The following CPNE2 variants were observed in gnomAD, a reference collection of about 807,000 sequenced individuals.
CPNE2 encodes copine 2.
A neutral mutation model predicts 69.7 loss-of-function variants in CPNE2; 42 were observed. That is an observed-to-expected ratio of 0.60 (90% CI 0.47 to 0.78). The LOEUF is 0.78. Ranked by LOEUF, CPNE2 falls within the 30% of genes least tolerant of loss-of-function variation. CPNE2 has a pLI of 0.00. For missense variants in CPNE2, 587 were observed against 732.0 expected, an observed-to-expected ratio of 0.80 and a Z score of 2.29; for synonymous variants, 294 against 289.8, an observed-to-expected ratio of 1.01 and a Z score of -0.15.
chr16:57,120,937 A>G (rs547618171), intron 7 of CPNE2, among the ~76,000 whole-genome samples, 156 bp from the exon 8 acceptor site: 5 of 152,244 alleles, frequency 3.3e-5, no homozygotes, highest in Admixed American at 3.3e-4. Flanking sequence ...GTCTTCCTGC[A>G]GGAGGCAGTT....
rs1470403434 is a variant in CPNE2, at chr16:57,120,948, C to T, written c.682-145C>T. 5.2e-6 allele frequency: 3 copies of T among 576,924 alleles called. No homozygotes were observed. The African/African-American group carries it at 5.7e-5, about 11-fold the overall frequency. 35.7% of individuals were successfully genotyped at this position (576,924 alleles called of 1,614,324 possible). ...AGAAGTCTTCCTGCAGGAGGCAGTT[C>T]AGGAGCTATCCAGGCCAGCTAGGCA... On this transcript the variant is annotated intron_variant, in intron 7 of 15. Coordinates refer to ENST00000290776, the MANE Select transcript of CPNE2 (RefSeq NM_152727.6).
intron 10 of CPNE2, chr16:57,124,337 C>A (rs562882742): frequency 2.9e-5 from 13 of 452,866 alleles, no homozygotes; most frequent in Non-Finnish European, 4.5e-5. Context: ...CCACCTTGGC[C>A]TCTCAAAGTG....
intron 2 of CPNE2, 93 bp from the exon 3 acceptor site, chr16:57,113,195 A>C: frequency 6.2e-6 from 7 of 1,123,502 alleles, no homozygotes; most frequent in African/African-American, 1.5e-5. Context: ...CAGAGTAGGC[A>C]TTGTACAAGT....
chr16:57,115,586 A>AAGC, intron 4 of CPNE2, 36 bp downstream of exon 4: 1 of 1,389,830 alleles, frequency 7.2e-7, no homozygotes, highest in Non-Finnish European at 9.9e-7. Context: ...CACCCCCTCC[A>AAGC]TCCCCACCCC....
chr16:57,137,070 G>C, intron 13 of CPNE2, 79 bp from the exon 14 acceptor site: 4 of 1,558,662 alleles, frequency 2.6e-6, no homozygotes, highest in Non-Finnish European at 3.5e-6. Context: ...GCATGAAATA[G>C]ATGTTTCATC....
intron 14 of CPNE2, chr16:57,142,868 AAC>A (rs2069932696): frequency 6.6e-6 from 1 of 152,210 alleles, no homozygotes; most frequent in Non-Finnish European, 1.5e-5. Flanking sequence ...AATCAAATCA[AAC>A]GTTAAATGCA....
chr16:57,120,848 G>A (rs1290108214), intron 7 of CPNE2, among the ~76,000 whole-genome samples: 16 of 152,178 alleles, frequency 1.1e-4, no homozygotes, highest in African/African-American at 3.1e-4. Flanking sequence ...TGTATAAGGA[G>A]TGGAGTTGCC....
chr16:57,112,653 A>G lies in CPNE2; in HGVS notation c.181-635A>G, dbSNP rs1193733725. On this transcript the variant is annotated intron_variant, in intron 2 of 15. Coordinates refer to ENST00000290776, the MANE Select transcript of CPNE2 (RefSeq NM_152727.6). ...TGTCCCAGTGCCACCACTGACCCAC[A>G]GTACCAGGCCCTGTCCTCAGCCAGG... 3.9e-5 allele frequency among the ~76,000 whole-genome samples: 6 copies of G among 152,280 alleles called. No homozygotes were observed. The East Asian group carries it at 1.2e-3, about 29-fold the overall frequency.
At chr16:57,102,161 C>T (rs1387552944) in intron 1 of CPNE2, among the ~76,000 whole-genome samples, 8 of 152,164 alleles carry the variant, frequency 5.3e-5, no homozygotes, top group Admixed American at 5.2e-4. Flanking sequence ...CTATGTTGCC[C>T]AGCTGGGCTT....
At chr16:57,096,270 C>G (rs1399279319) in intron 1 of CPNE2, among the ~76,000 whole-genome samples, 1 of 152,232 alleles carries the variant, frequency 6.6e-6, no homozygotes, top group East Asian at 1.9e-4. Context: ...GTGAGAGAAT[C>G]TAAGCCATCC....
At position 57,132,762 on chromosome 16, in the gene CPNE2, C is replaced by T. The variant is rs2069847235; in HGVS notation, c.1117-2013C>T. Among the ~76,000 whole-genome samples, 4 of 152,244 alleles carry T rather than the reference C, an allele frequency of 2.6e-5. No individual in the cohort carries two copies. In the South Asian group the frequency reaches 8.3e-4, roughly 32 times the overall value. On this transcript the variant is annotated intron_variant, in intron 12 of 15. Coordinates refer to ENST00000290776, the MANE Select transcript of CPNE2 (RefSeq NM_152727.6). ...ACTCCTGGTAGCATGGACACTTGTC[C>T]CCAGGCCCCACTGTGTGACCTGGGC...
In CPNE2 at chr16:57,119,237, C is replaced by A. The variant is rs751580762; in HGVS notation, c.550C>A (p.Pro184Thr). 9.3e-6 allele frequency: 15 copies of A among 1,614,022 alleles called. No individual in the cohort carries two copies. Among genetic ancestry groups the A allele is most frequent in the African/African-American group, 1.3e-5 (1 of 74,912 alleles). The change falls in exon 6 of 16, where the codon CCA becomes ACA. Residue 184 changes from proline (P) to threonine (T), a missense_variant. Pro to Thr is a conservative substitution (Grantham distance 38). Transcript: ENST00000290776. ...KSDPFLEFYK[P>T]GDDGKWMLVH... ...AGACCCCTTTCTGGAGTTTTATAAG[C>A]CAGGAGACGATGGCAAGTGGATGCT... is the stretch of plus-strand genomic sequence containing the variant.
In CPNE2 at chr16:57,147,701, CT is replaced by C; in HGVS notation, c.*44del. ...CAGCATGTCAGCTGAGCCTCCTGCC[CT>C]CCCCCAGGAACATGCACGCTCACTC... On this transcript the variant is annotated 3_prime_UTR_variant, in exon 16 of 16. Transcript: ENST00000290776. The C allele has an allele frequency of 7.3e-7, 1 of 1,361,998 alleles. No homozygotes were observed. Among genetic ancestry groups the C allele is most frequent in the South Asian group, 1.4e-5 (1 of 74,002 alleles). The allele number at this position is 1,361,998 out of a possible 1,614,324, so 84.4% of individuals were successfully genotyped here.
At chr16:57,123,782 C>T (rs1243490372) in intron 10 of CPNE2, 2 of 438,260 alleles carry the variant, frequency 4.6e-6, no homozygotes, top group Non-Finnish European at 8.3e-6. Flanking sequence ...TTCAGCGATC[C>T]CTGCCTCCTT....
In CPNE2 at chr16:57,137,192, C is replaced by T. The variant is rs2069888198; in HGVS notation, c.1212C>T (p.His404=). The T allele has an allele frequency of 3.1e-6, 5 of 1,614,254 alleles. No homozygotes were observed. The highest frequency in any genetic ancestry group is 4.2e-6 in the Non-Finnish European group (5 of 1,180,044). The change falls in exon 14 of 16, where the codon CAC becomes CAT. Residue 404 remains histidine (H), a synonymous_variant. Coordinates refer to ENST00000290776, the MANE Select transcript of CPNE2 (RefSeq NM_152727.6). ...AGGCGTACTCAGCTTGCCTGCCCCA[C>T]ATCCGCTTCTACGGTCCTACCAATT... is the stretch of plus-strand genomic sequence containing the variant. The part of the protein sequence containing the change: ...IAQAYSACLP[H]IRFYGPTNFS...
chr16:57,137,435 C>T (rs111673573), intron 14 of CPNE2, among the ~76,000 whole-genome samples, 153 bp downstream of exon 14: 1 of 152,206 alleles, frequency 6.6e-6, no homozygotes. Context: ...GAGTCAAGCT[C>T]AACTTGATTG....
intron 10 of CPNE2, 158 bp from the exon 11 acceptor site, chr16:57,125,702 C>T (rs1425918513): frequency 1.2e-6 from 1 of 847,482 alleles, no homozygotes; most frequent in South Asian, 1.8e-5. Flanking sequence ...AGGAGTGATA[C>T]AATCAGAGCA....
At chr16:57,094,423 T>G (rs1231348363) in intron 1 of CPNE2, among the ~76,000 whole-genome samples, 1 of 152,060 alleles carries the variant, frequency 6.6e-6, no homozygotes, top group Non-Finnish European at 1.5e-5. Flanking sequence ...TGGAATGTCA[T>G]GAGAATTAAA....
chr16:57,107,794 C>T (rs976972098), intron 1 of CPNE2, among the ~76,000 whole-genome samples: 1 of 152,082 alleles, frequency 6.6e-6, no homozygotes, highest in African/African-American at 2.4e-5. Context: ...GTCCTGGCCA[C>T]TCTCCCTGCT....
Sources: allele counts gnomAD v4.1 joint callset (sites outside exome capture counted in the v4.1 genomes callset), GRCh38; gene constraint gnomAD v4.1.1; transcripts MANE v1.5; gene names NCBI Gene and HGNC (gene_info 2026-07-23, HGNC 2026-07-21).